Variants in XRN1 observed in about 807,000 individuals in gnomAD.
XRN1 encodes strand-exchange protein 1 homolog.
XRN1 carries 67 observed loss-of-function variants against 222.3 expected under a neutral mutation model. The observed-to-expected ratio is 0.30, with a 90% CI of 0.25 to 0.37. The LOEUF (loss-of-function observed/expected upper bound fraction) is 0.37. Ranked by LOEUF, XRN1 falls within the 10% of genes least tolerant of loss-of-function variation. The probability of loss-of-function intolerance (pLI) is 1.00; values close to 1 mark genes in which losing one functional copy is unlikely to be tolerated. For synonymous variants in XRN1, 643 were observed against 652.4 expected, an observed-to-expected ratio of 0.99 and a Z score of 0.22; for missense variants, 1,707 against 2,000.2, an observed-to-expected ratio of 0.85 and a Z score of 2.80.
intron 39 of XRN1, among the ~76,000 whole-genome samples, chr3:142,317,781 G>A (rs116027458): frequency 1.5e-3 from 227 of 152,250 alleles, no homozygotes; most frequent in African/African-American, 4.6e-3. Context: ...CTTGGGAACG[G>A]CGAGGGACAA....
chr3:142,425,105 T>C, intron 5 of XRN1, 117 bp downstream of exon 5: 1 of 658,282 alleles, frequency 1.5e-6, no homozygotes, highest in South Asian at 3.6e-5. Flanking sequence ...GAAGTAGCAA[T>C]CATTATTGTG....
chr3:142,375,568 A>G (rs2067118340), intron 25 of XRN1, among the ~76,000 whole-genome samples: 1 of 152,214 alleles, frequency 6.6e-6, no homozygotes, highest in Non-Finnish European at 1.5e-5. Context: ...AATTTTAACT[A>G]AAGAGGGCAA....
At chr3:142,366,496 G>C (rs190210701) in intron 27 of XRN1, among the ~76,000 whole-genome samples, 3 of 152,162 alleles carry the variant, frequency 2.0e-5, no homozygotes, top group Non-Finnish European at 4.4e-5. Flanking sequence ...TCTAGGTGCT[G>C]GGGATAAAGC....
At chr3:142,367,671 G>A (rs368549664) in intron 27 of XRN1, among the ~76,000 whole-genome samples, 1 of 151,738 alleles carries the variant, frequency 6.6e-6, no homozygotes, top group East Asian at 1.9e-4. Flanking sequence ...TTGGCCTCCC[G>A]AGTAGCCAGG....
intron 37 of XRN1, among the ~76,000 whole-genome samples, chr3:142,319,455 T>C (rs976853422): frequency 2.0e-5 from 3 of 152,238 alleles, no homozygotes; most frequent in Non-Finnish European, 2.9e-5. Context: ...TACTCATATT[T>C]AAATTATAAC....
chr3:142,355,629 G>A (rs145689285), intron 31 of XRN1, 133 bp from the exon 32 acceptor site: 65 of 536,744 alleles, frequency 1.2e-4, no homozygotes, highest in African/African-American at 1.1e-3. Context: ...TTTTGACTTG[G>A]GGTCTTACTC....
intron 32 of XRN1, among the ~76,000 whole-genome samples, chr3:142,347,848 T>C (rs2107805192): frequency 6.6e-6 from 1 of 151,976 alleles, no homozygotes; most frequent in Admixed American, 6.6e-5. Context: ...TTCTCCCACC[T>C]CGGCCTCCCA....
chr3:142,423,652 A>T lies in XRN1; in HGVS notation c.628-10T>A, dbSNP rs1409700220. On this transcript the variant is annotated splice_polypyrimidine_tract_variant and intron_variant, in intron 5 of 40. Transcript: ENST00000392981. ...TTAATCCAAGCATAATCTGTTGAAAAATGATTAAGAAATGTTTTTATTCTC... is the reference window on the plus strand; with the variant it reads ...TTAATCCAAGCATAATCTGTTGAAATATGATTAAGAAATGTTTTTATTCTC... The T allele has an allele frequency of 6.4e-7, 1 of 1,554,986 alleles. No individual in the cohort carries two copies.
At chr3:142,325,886 A>T (rs1407021156) in intron 37 of XRN1, among the ~76,000 whole-genome samples, 2 of 152,076 alleles carry the variant, frequency 1.3e-5, no homozygotes, top group African/African-American at 4.8e-5. Flanking sequence ...TTAAATATGG[A>T]TATCTAGTTG....
chr3:142,313,288 A>T, intron 39 of XRN1: 2 of 1,185,490 alleles, frequency 1.7e-6, no homozygotes, highest in Admixed American at 4.5e-5. Context: ...TTTCACTTAC[A>T]GTTTGTTTAT....
At chr3:142,313,947 A>T (rs1304887797) in intron 39 of XRN1, among the ~76,000 whole-genome samples, 1 of 152,162 alleles carries the variant, frequency 6.6e-6, no homozygotes, top group Non-Finnish European at 1.5e-5. Context: ...AAAAGTAGAA[A>T]ATTAGGTCTT....
In XRN1 at chr3:142,307,765, C is replaced by G. The variant is rs2064998573; in HGVS notation, c.*3746G>C. On this transcript the variant is annotated 3_prime_UTR_variant, in exon 41 of 41. Coordinates refer to ENST00000392981, the MANE Select transcript of XRN1 (RefSeq NM_001282857.2). Reference sequence around the variant, plus strand: ...GCTTTATCTTGACTAGGAAAGGAAGCTCCTGCAAAACTGATGGTTTCACTG... The same window carrying G: ...GCTTTATCTTGACTAGGAAAGGAAGGTCCTGCAAAACTGATGGTTTCACTG... The G allele has an allele frequency of 6.6e-6, 1 of 152,150 alleles. No individual in the cohort carries two copies. Among genetic ancestry groups the G allele is most frequent in the Non-Finnish European group, 1.5e-5 (1 of 68,026 alleles). 9.4% of individuals were successfully genotyped at this position (152,150 alleles called of 1,614,324 possible).
At chr3:142,363,226 T>C (rs1351192740) in intron 29 of XRN1, among the ~76,000 whole-genome samples, 1 of 152,078 alleles carries the variant, frequency 6.6e-6, no homozygotes, top group African/African-American at 2.4e-5. Flanking sequence ...AGATGTAAGG[T>C]AAGGAGTTGT....
At position 142,403,751 on chromosome 3, in the gene XRN1, C is replaced by T. The variant is rs1191829480; in HGVS notation, c.2026G>A (p.Val676Ile). ...RHKFFLKKSGVQVFQQSSRGE... is the reference protein window; with the variant it reads ...RHKFFLKKSGIQVFQQSSRGE... ...CGACTGCTTTGCTGGAATACTTGAACACCACTTTTCTTCAAAAAAAACTTT... is the reference window on the plus strand; with the variant it reads ...CGACTGCTTTGCTGGAATACTTGAATACCACTTTTCTTCAAAAAAAACTTT... Residue 676 changes from valine to isoleucine, a missense_variant, in exon 18 of 41, where the codon GTT (valine) becomes ATT (isoleucine). Physicochemically the swap from Val to Ile is conservative, Grantham distance 29. Transcript: ENST00000392981. 6.2e-7 allele frequency: 1 copy of T among 1,612,900 alleles called. No individual in the cohort carries two copies. Among genetic ancestry groups the T allele is most frequent in the South Asian group, 1.1e-5 (1 of 90,720 alleles).
intron 31 of XRN1, among the ~76,000 whole-genome samples, chr3:142,355,767 T>C (rs2066450882): frequency 6.6e-6 from 1 of 151,960 alleles, no homozygotes; most frequent in South Asian, 2.1e-4. Context: ...TGTACCATCA[T>C]GCCCAACTAT....
chr3:142,431,913 A>ATATATT (rs2069590020), intron 2 of XRN1, among the ~76,000 whole-genome samples: 1 of 23,028 alleles, frequency 4.3e-5, no homozygotes, highest in Non-Finnish European at 7.3e-5. Flanking sequence ...TATATATATA[A>ATATATT]ATATATATAA....
intron 22 of XRN1, among the ~76,000 whole-genome samples, chr3:142,381,791 TCCTGGCCTCAAGTGATTG>T (rs2067314062): frequency 1.3e-5 from 2 of 152,080 alleles, no homozygotes; most frequent in Admixed American, 6.6e-5. Context: ...GGTCTCGAAC[TCCTGGCCTCAAGTGATTG>T]CCTATCTTGG....
chr3:142,371,827 T>C (rs748045404), intron 25 of XRN1, among the ~76,000 whole-genome samples: 3 of 152,052 alleles, frequency 2.0e-5, no homozygotes, highest in Non-Finnish European at 4.4e-5. Context: ...CAATATAGTA[T>C]AAAAAAGAGC....
chr3:142,430,894 C>G (rs2069491902), intron 2 of XRN1, among the ~76,000 whole-genome samples: 1 of 152,182 alleles, frequency 6.6e-6, no homozygotes, highest in Admixed American at 6.5e-5. Flanking sequence ...TCTTCTCATC[C>G]TTTTACTTCT....
Sources: gnomAD v4.1 joint callset for allele counts (sites outside exome capture counted in the v4.1 genomes callset) on GRCh38, gnomAD v4.1.1 for gene constraint, MANE v1.5 for transcripts, NCBI Gene and HGNC (gene_info 2026-07-23, HGNC 2026-07-21) for gene names.